Variants in BABAM1 observed in about 807,000 individuals in gnomAD.
BABAM1 encodes BRISC and BRCA1-A complex member 1.
BABAM1 carries 14 observed loss-of-function variants against 34.4 expected under a neutral mutation model. The observed-to-expected ratio is 0.41, with a 90% CI of 0.27 to 0.64. The LOEUF is 0.64. BABAM1 is among the 30% of genes least tolerant of loss of function. BABAM1 has a pLI of 0.34. For missense variants in BABAM1, 393 were observed against 434.0 expected, an observed-to-expected ratio of 0.91 and a Z score of 0.84; for synonymous variants, 169 against 165.8, an observed-to-expected ratio of 1.02 and a Z score of -0.15.
At chr19:17,278,789 C>A in intron 8 of BABAM1, 56 bp from the exon 9 acceptor site, 1 of 1,515,128 alleles carries the variant, frequency 6.6e-7, no homozygotes, top group South Asian at 1.2e-5. Context: ...TATGAAGGGC[C>A]TGTTGGGGTA....
intron 6 of BABAM1, among the ~76,000 whole-genome samples, chr19:17,276,146 A>C (rs558662769): frequency 6.6e-6 from 1 of 152,266 alleles, no homozygotes; most frequent in African/African-American, 2.4e-5. Flanking sequence ...CAGGAGTTTG[A>C]GACCAGCCTG....
rs2073878593 is a variant in BABAM1 at position 17,274,033 on chromosome 19, G to A, written c.465+9G>A. Reference sequence around the variant, plus strand: ...ACGATGACACGGCCTGGGTGAGGCTGCGGCAGGCGCTGGGTGCCCTGGGGT... The same window carrying A: ...ACGATGACACGGCCTGGGTGAGGCTACGGCAGGCGCTGGGTGCCCTGGGGT... On this transcript the variant is annotated intron_variant, in intron 4 of 8. Coordinates refer to ENST00000598188, the MANE Select transcript of BABAM1 (RefSeq NM_014173.4). 6.2e-7 allele frequency: 1 copy of A among 1,613,808 alleles called. No homozygotes were observed. Among genetic ancestry groups the A allele is most frequent in the Non-Finnish European group, 8.5e-7 (1 of 1,179,858 alleles).
In BABAM1 at chr19:17,275,841, G is replaced by C. The variant is rs745605323; in HGVS notation, c.569+16G>C. ...TCAGCCTCATGTAAGTCCCCTGTGGGGAAATTCTTATTCACCTTCAAAGAG... is the reference window on the plus strand; with the variant it reads ...TCAGCCTCATGTAAGTCCCCTGTGGCGAAATTCTTATTCACCTTCAAAGAG... On this transcript the variant is annotated intron_variant, in intron 6 of 8. Transcript: ENST00000598188. 2 of 1,612,004 alleles carry C rather than the reference G, an allele frequency of 1.2e-6. No individual in the cohort carries two copies. Among genetic ancestry groups the C allele is most frequent in the Admixed American group, 3.3e-5 (2 of 60,004 alleles).
chr19:17,269,092 G>T lies in BABAM1; in HGVS notation c.285+1G>T, dbSNP rs756448807. The T allele has an allele frequency of 1.9e-6, 3 of 1,600,944 alleles. No homozygotes were observed. The highest frequency in any genetic ancestry group is 2.6e-6 in the Non-Finnish European group (3 of 1,173,084). On this transcript the variant is annotated splice_donor_variant, in intron 2 of 8. Coordinates refer to ENST00000598188, the MANE Select transcript of BABAM1 (RefSeq NM_014173.4). LOFTEE classifies it high-confidence loss of function. ...AAGGGTCAACTGTCCAGAGAAAGTG[G>T]TAAGTAGAGGGGGTGGCCTGGGGCT...
At chr19:17,278,108 A>G (rs1487980754) in intron 8 of BABAM1, among the ~76,000 whole-genome samples, 1 of 151,408 alleles carries the variant, frequency 6.6e-6, no homozygotes, top group Admixed American at 6.6e-5. Flanking sequence ...CGGGAGGCAG[A>G]GGTTGCGGTG....
At chr19:17,271,498 C>T (rs2073840402) in intron 2 of BABAM1, 99 bp from the exon 3 acceptor site, 5 of 1,357,136 alleles carry the variant, frequency 3.7e-6, no homozygotes, top group Admixed American at 4.0e-5. Context: ...GGTCACCATA[C>T]TGCCTTTTCA....
Position 17,274,177 on chromosome 19 carries a change from C to T in BABAM1, c.536C>T (p.Ser179Phe), listed in dbSNP as rs2073881145. 1.2e-6 allele frequency: 2 copies of T among 1,612,900 alleles called. No homozygotes were observed. The highest frequency in any genetic ancestry group is 8.5e-7 in the Non-Finnish European group (1 of 1,179,874). Residue 179 changes from serine to phenylalanine, a missense_variant, in exon 5 of 9, where the codon TCC becomes TTC. Physicochemically the swap from Ser to Phe is radical, Grantham distance 155. Transcript: ENST00000598188. ...CLYDLETASCSTFNLEGLFSL... is the reference protein window; with the variant it reads ...CLYDLETASCFTFNLEGLFSL... ...TATGATCTGGAGACGGCCTCCTGTTCCACCTTCAGTATCCTTCCTGGCAGA... is the reference window on the plus strand; with the variant it reads ...TATGATCTGGAGACGGCCTCCTGTTTCACCTTCAGTATCCTTCCTGGCAGA...
At chr19:17,274,078 A>G (rs1203994487) in intron 4 of BABAM1, 29 bp from the exon 5 acceptor site, 5 of 1,613,672 alleles carry the variant, frequency 3.1e-6, no homozygotes, top group Non-Finnish European at 4.2e-6. Context: ...CCCGGGGAGC[A>G]TCGCACTGAG....
chr19:17,274,071 G>A (rs369078229), intron 4 of BABAM1, 36 bp from the exon 5 acceptor site: 108 of 1,613,522 alleles, frequency 6.7e-5, no homozygotes, highest in South Asian at 4.6e-4. Context: ...CCTGGGGCCC[G>A]GGGAGCATCG....
intron 8 of BABAM1, among the ~76,000 whole-genome samples, chr19:17,277,981 C>T (rs56028644): frequency 0.17 from 25,906 of 151,698 alleles, 2,370 homozygotes; most frequent in Non-Finnish European, 0.19. Flanking sequence ...TTCGGACCAG[C>T]CTGACCAACA....
intron 1 of BABAM1, among the ~76,000 whole-genome samples, chr19:17,267,795 A>G (rs546415727): frequency 6.6e-6 from 1 of 152,300 alleles, no homozygotes; most frequent in East Asian, 1.9e-4. Context: ...TCCAAGGGGA[A>G]CCACAGTACT....
chr19:17,271,735 GA>G, intron 3 of BABAM1, 80 bp downstream of exon 3: 1 of 1,482,314 alleles, frequency 6.7e-7, no homozygotes, highest in Admixed American at 1.8e-5. Flanking sequence ...CTCTCACTCT[GA>G]AACTCACACC....
At chr19:17,273,871 A>C in intron 3 of BABAM1, 33 bp from the exon 4 acceptor site, 1 of 1,571,194 alleles carries the variant, frequency 6.4e-7, no homozygotes, top group Non-Finnish European at 8.6e-7. Context: ...CCCTGAGGGA[A>C]CCTTAATTCC....
chr19:17,276,230 G>A (rs2073906138), intron 6 of BABAM1, among the ~76,000 whole-genome samples: 1 of 152,142 alleles, frequency 6.6e-6, no homozygotes, highest in Non-Finnish European at 1.5e-5. Flanking sequence ...AGCTACTTGA[G>A]AGGCCGAGGC....
intron 5 of BABAM1, chr19:17,274,565 CT>C (rs112418648): frequency 0.21 from 35,022 of 163,480 alleles, 3,589 homozygotes; most frequent in African/African-American, 0.33. Flanking sequence ...GAGACTCCGT[CT>C]TTTTTAAAAA....
In BABAM1 at chr19:17,279,221, T is replaced by A. The variant is rs2073946604; in HGVS notation, c.*173T>A. Reference sequence around the variant, plus strand: ...GGATTCCAGGAGGGATCCCAGGAACTGTGGGCACCCATTTTCTGTGTCTCC... The same window carrying A: ...GGATTCCAGGAGGGATCCCAGGAACAGTGGGCACCCATTTTCTGTGTCTCC... On this transcript the variant is annotated 3_prime_UTR_variant, in exon 9 of 9. Transcript: ENST00000598188. The A allele has an allele frequency of 5.0e-6, 3 of 600,620 alleles. No homozygotes were observed. Among genetic ancestry groups the A allele is most frequent in the African/African-American group, 1.9e-5 (1 of 54,016 alleles). 37.2% of individuals were successfully genotyped at this position (600,620 alleles called of 1,614,324 possible).
intron 5 of BABAM1, chr19:17,274,571 TAA>T (rs11291512): frequency 3.2e-3 from 525 of 166,536 alleles, no homozygotes; most frequent in South Asian, 5.5e-3. Context: ...CCGTCTTTTT[TAA>T]AAAAAAAAAA....
Position 17,273,953 on chromosome 19 carries a change from G to T in BABAM1, c.394G>T (p.Val132Leu). ...CTCCCAGAAGATGATTGAGATGTTC[G>T]TGCGGACAAAACACAAGATCGACAA... is the stretch of plus-strand genomic sequence containing the variant. The part of the protein sequence containing the change: ...NVSQKMIEMF[V>L]RTKHKIDKSH... Residue 132 changes from valine (V) to leucine (L), a missense_variant, in exon 4 of 9, where the codon GTG becomes TTG. Val to Leu is a conservative substitution (Grantham distance 32). Transcript: ENST00000598188. 6.2e-7 allele frequency: 1 copy of T among 1,613,840 alleles called. No homozygotes were observed. Among genetic ancestry groups the T allele is most frequent in the Non-Finnish European group, 8.5e-7 (1 of 1,179,872 alleles).
At chr19:17,277,956 C>T (rs2145626846) in intron 8 of BABAM1, among the ~76,000 whole-genome samples, 1 of 152,010 alleles carries the variant, frequency 6.6e-6, no homozygotes, top group Middle Eastern at 3.4e-3. Flanking sequence ...GCGGGTGACT[C>T]ACTTGAGTTG....
Sources: allele counts gnomAD v4.1 joint callset (sites outside exome capture counted in the v4.1 genomes callset), GRCh38; gene constraint gnomAD v4.1.1; transcripts MANE v1.5; gene names NCBI Gene and HGNC (gene_info 2026-07-23, HGNC 2026-07-21).